The following CFI variants were observed in gnomAD, a reference collection of about 807,000 sequenced individuals.
CFI encodes the protein complement factor I.
In CFI, 66 loss-of-function variants were observed where a neutral mutation model predicts 78.8. The ratio of observed to expected loss-of-function variants is 0.84; its 90% CI spans 0.69 to 1.03. The LOEUF is 1.03. CFI is among the 50% of genes least tolerant of loss of function. CFI has a pLI of 0.00. For missense variants in CFI, 706 were observed against 704.5 expected (o/e 1.00, Z -0.02); for synonymous variants, 250 against 232.6 (o/e 1.07, Z -0.68).
Position 109,766,129 on chromosome 4 carries a change from A to T in CFI, c.328+425T>A, listed in dbSNP as rs888047223. Reference sequence around the variant, plus strand: ...CCAGACTCCGTCTCAAAAAAACAAAACAAACAAAAACAGAAATTACTGGGG... The same window carrying T: ...CCAGACTCCGTCTCAAAAAAACAAATCAAACAAAAACAGAAATTACTGGGG... On this transcript the variant is annotated intron_variant, in intron 2 of 12. Coordinates refer to ENST00000394634, the MANE Select transcript of CFI (RefSeq NM_000204.5). Among the ~76,000 whole-genome samples the T allele has an allele frequency of 2.0e-5, 3 of 152,214 alleles. No individual in the cohort carries two copies. In the South Asian group the frequency reaches 6.2e-4, roughly 32 times the overall value.
intron 1 of CFI, among the ~76,000 whole-genome samples, chr4:109,794,621 C>T (rs1731821113): frequency 6.6e-6 from 1 of 151,928 alleles, no homozygotes; most frequent in South Asian, 2.1e-4. Flanking sequence ...GGTGAAACCC[C>T]ATCTTTACTA....
At position 109,740,733 on chromosome 4, in the gene CFI, A is replaced by C. The variant is rs559046359; in HGVS notation, c.*160T>G. ...AATATTTATTTGAGAATTATACAAC[A>C]AAATTCCAATATGGCATAAACTCTG... On this transcript the variant is annotated 3_prime_UTR_variant, in exon 13 of 13. Coordinates refer to ENST00000394634, the MANE Select transcript of CFI (RefSeq NM_000204.5). 1 of 739,714 alleles carries C rather than the reference A, an allele frequency of 1.4e-6. No individual in the cohort carries two copies. Among genetic ancestry groups the C allele is most frequent in the Non-Finnish European group, 2.3e-6 (1 of 432,720 alleles). The allele number at this position is 739,714 out of a possible 1,614,324, so 45.8% of individuals were successfully genotyped here.
At chr4:109,761,474 A>T in intron 4 of CFI, 43 bp downstream of exon 4, 1 of 1,586,542 alleles carries the variant, frequency 6.3e-7, no homozygotes, top group Non-Finnish European at 8.7e-7. Flanking sequence ...TAAAATAAAC[A>T]ACCTTCAAGG....
chr4:109,744,770 T>C (rs1724215311), intron 11 of CFI, among the ~76,000 whole-genome samples: 1 of 152,122 alleles, frequency 6.6e-6, no homozygotes, highest in African/African-American at 2.4e-5. Flanking sequence ...GAGACCCCAA[T>C]TAATATGGGG....
intron 4 of CFI, 60 bp from the exon 5 acceptor site, chr4:109,760,696 A>G: frequency 3.0e-6 from 3 of 994,884 alleles, no homozygotes; most frequent in Non-Finnish European, 4.9e-6. Context: ...TGACATCCTT[A>G]TCAGATTTTT....
intron 6 of CFI, among the ~76,000 whole-genome samples, chr4:109,759,893 C>CA (rs1421170374): frequency 6.6e-6 from 1 of 151,146 alleles, no homozygotes; most frequent in Admixed American, 6.6e-5. Context: ...GACTTCATCA[C>CA]AAAAAAAGTA....
At chr4:109,760,993 G>A (rs1229794298) in intron 4 of CFI, among the ~76,000 whole-genome samples, 1 of 152,168 alleles carries the variant, frequency 6.6e-6, no homozygotes, top group African/African-American at 2.4e-5. Context: ...TGCTTGGTTA[G>A]TGCCATTTGT....
At chr4:109,731,755 G>T in the CFI span, among the ~76,000 whole-genome samples, 1 of 152,152 alleles carries the variant, frequency 6.6e-6, no homozygotes, top group Non-Finnish European at 1.5e-5. Flanking sequence ...TCCCTGGAAG[G>T]TATTATTATC....
chr4:109,758,895 C>T lies in CFI; in HGVS notation c.884-1112G>A, dbSNP rs563028578. On this transcript the variant is annotated intron_variant, in intron 6 of 12. Coordinates refer to ENST00000394634, the MANE Select transcript of CFI (RefSeq NM_000204.5). The stretch of plus-strand genomic sequence containing the variant: ...ATCACTTGAGGCCAAGAGTTCGAGA[C>T]GAGCCTGGCCAATGTGGCGAAACTC... Among the ~76,000 whole-genome samples, 10 of 152,262 alleles carry T rather than the reference C, an allele frequency of 6.6e-5. No homozygotes were observed. In the East Asian group the frequency reaches 7.7e-4, roughly 12 times the overall value.
At chr4:109,748,099 C>T (rs1370360950) in intron 10 of CFI, among the ~76,000 whole-genome samples, 1 of 152,102 alleles carries the variant, frequency 6.6e-6, no homozygotes, top group Non-Finnish European at 1.5e-5. Flanking sequence ...CAGAATTTAT[C>T]TTTACATAAG....
intron 1 of CFI, among the ~76,000 whole-genome samples, chr4:109,794,724 C>A (rs776156738): frequency 6.6e-6 from 1 of 152,074 alleles, no homozygotes; most frequent in Non-Finnish European, 1.5e-5. Flanking sequence ...ACCTGGGAGG[C>A]AGAGGTTGCA....
chr4:109,735,006 G>A, the CFI span, among the ~76,000 whole-genome samples: 19 of 152,152 alleles, frequency 1.2e-4, no homozygotes, highest in Admixed American at 1.0e-3. Context: ...ACCCAGGTGG[G>A]GGTAGCATGA....
At chr4:109,782,284 T>A (rs868376651) in intron 1 of CFI, among the ~76,000 whole-genome samples, 1 of 152,012 alleles carries the variant, frequency 6.6e-6, no homozygotes, top group East Asian at 1.9e-4. Context: ...CCCTAAAGAC[T>A]CCTCCAGAAA....
intron 10 of CFI, 127 bp downstream of exon 10, chr4:109,749,091 T>C: frequency 1.1e-6 from 1 of 890,534 alleles, no homozygotes; most frequent in Middle Eastern, 2.2e-4. Context: ...TACCAGAGGA[T>C]ACTTTGCAAT....
intron 1 of CFI, among the ~76,000 whole-genome samples, chr4:109,791,680 T>A (rs1262619209): frequency 6.6e-6 from 1 of 152,130 alleles, no homozygotes; most frequent in East Asian, 1.9e-4. Flanking sequence ...TATCCCAGCA[T>A]CATTTATTGA....
chr4:109,799,944 TC>T (rs1241470410), intron 1 of CFI, among the ~76,000 whole-genome samples: 1 of 152,234 alleles, frequency 6.6e-6, no homozygotes, highest in African/African-American at 2.4e-5. Context: ...AGTTGCCTGT[TC>T]CTGCATTCAA....
chr4:109,737,306 C>A (rs1003872649), downstream of CFI, among the ~76,000 whole-genome samples: 1 of 152,172 alleles, frequency 6.6e-6, no homozygotes, highest in Admixed American at 6.5e-5. Context: ...GCTCTCCATC[C>A]TTGTGTGTGG....
At chr4:109,774,016 G>A (rs1728915143) in intron 1 of CFI, among the ~76,000 whole-genome samples, 1 of 152,228 alleles carries the variant, frequency 6.6e-6, no homozygotes, top group Non-Finnish European at 1.5e-5. Context: ...TCAGTGGAAT[G>A]TGGAAAAAAT....
At chr4:109,792,268 C>CA (rs1295612274) in intron 1 of CFI, among the ~76,000 whole-genome samples, 1 of 151,868 alleles carries the variant, frequency 6.6e-6, no homozygotes, top group Non-Finnish European at 1.5e-5. Context: ...TTGAAGCTTC[C>CA]AACTATTATT....
Sources: allele counts gnomAD v4.1 joint callset (sites outside exome capture counted in the v4.1 genomes callset), GRCh38; gene constraint gnomAD v4.1.1; transcripts MANE v1.5; gene names NCBI Gene and HGNC (gene_info 2026-07-23, HGNC 2026-07-21).